The following ZHX3 variants were observed in gnomAD, a reference collection of about 807,000 sequenced individuals.
ZHX3 encodes the protein zinc fingers and homeoboxes 3.
ZHX3 carries 20 observed loss-of-function variants against 64.5 expected under a neutral mutation model. The observed-to-expected ratio is 0.31, with a 90% confidence interval of 0.22 to 0.45. The LOEUF is 0.45. ZHX3 is among the 20% of genes least tolerant of loss of function. ZHX3 has a pLI of 1.00. For missense variants in ZHX3, 1,041 were observed against 1,195.8 expected (o/e 0.87, Z 1.91); for synonymous variants, 423 against 461.6 (o/e 0.92, Z 1.07).
At chr20:41,280,259 T>C (rs1383557912) in intron 1 of ZHX3, among the ~76,000 whole-genome samples, 1 of 152,180 alleles carries the variant, frequency 6.6e-6, no homozygotes, top group Non-Finnish European at 1.5e-5. Flanking sequence ...GAGTTCTCAA[T>C]CCTGGATGCA....
chr20:41,241,546 C>T (rs1281577183), intron 2 of ZHX3, among the ~76,000 whole-genome samples: 3 of 152,096 alleles, frequency 2.0e-5, no homozygotes, highest in Non-Finnish European at 4.4e-5. Flanking sequence ...GCTTTGGTTG[C>T]CTGTGCTTGT....
intron 1 of ZHX3, among the ~76,000 whole-genome samples, chr20:41,282,671 T>C (rs1342250614): frequency 6.6e-6 from 1 of 152,142 alleles, no homozygotes; most frequent in African/African-American, 2.4e-5. Context: ...GATTCATCTT[T>C]CGATGCCTCT....
chr20:41,309,575 G>A (rs991958364), intron 1 of ZHX3, among the ~76,000 whole-genome samples: 1 of 152,116 alleles, frequency 6.6e-6, no homozygotes, highest in African/African-American at 2.4e-5. Context: ...TAATGAACCT[G>A]GGCCATGGCC....
chr20:41,221,649 GAAGAA>G (rs1374369323), intron 2 of ZHX3, among the ~76,000 whole-genome samples: 1 of 152,214 alleles, frequency 6.6e-6, no homozygotes, highest in Non-Finnish European at 1.5e-5. Flanking sequence ...GTGAAAGGCT[GAAGAA>G]ATGTGGAGCA....
Position 41,203,126 on chromosome 20 carries a change from G to A in ZHX3, c.1791C>T (p.His597=), listed in dbSNP as rs757551506. 50 of 1,614,038 alleles carry A rather than the reference G, an allele frequency of 3.1e-5. No homozygotes were observed. Among genetic ancestry groups the A allele is most frequent in the Non-Finnish European group, 2.5e-5 (30 of 1,180,030 alleles). ...CIPTTATLAT[H]PSAKRQSWHQ... The stretch of plus-strand genomic sequence containing the variant: ...GCCAAGATTGTCGTTTGGCAGAAGG[G>A]TGGGTTGCTAGTGTGGCTGTTGTCG... Residue 597 remains histidine, a synonymous_variant, in exon 3 of 4, where the codon CAC becomes CAT. Coordinates refer to ENST00000683867, the MANE Select transcript of ZHX3 (RefSeq NM_001384317.1). The surrounding 1 kb of genome is among the most constrained non-coding windows in gnomAD (Gnocchi z 7.1).
chr20:41,264,187 T>C (rs927707776), intron 2 of ZHX3, among the ~76,000 whole-genome samples: 1 of 151,620 alleles, frequency 6.6e-6, no homozygotes, highest in Non-Finnish European at 1.5e-5. Flanking sequence ...GACGGGCAGA[T>C]TGCCTGAGCT....
chr20:41,185,162 G>T lies in ZHX3; in HGVS notation c.*29C>A, dbSNP rs866400501. 1.9e-6 allele frequency: 3 copies of T among 1,606,366 alleles called. No homozygotes were observed. Among genetic ancestry groups the T allele is most frequent in the South Asian group, 1.1e-5 (1 of 89,756 alleles). ...ACGTGGCAGGCGGTTTCCCAGACTG[G>T]CCAGTCCTTCACATTAATCAGATCA... On this transcript the variant is annotated 3_prime_UTR_variant, in exon 4 of 4. Coordinates refer to ENST00000683867, the MANE Select transcript of ZHX3 (RefSeq NM_001384317.1). The surrounding 1 kb of genome is among the most constrained non-coding windows in gnomAD (Gnocchi z 5.0).
At chr20:41,281,455 G>A (rs770070336) in intron 1 of ZHX3, among the ~76,000 whole-genome samples, 3 of 152,032 alleles carry the variant, frequency 2.0e-5, no homozygotes, top group Non-Finnish European at 4.4e-5. Context: ...CACAATTATC[G>A]ATAAAATACA....
chr20:41,314,437 C>T (rs1259724334), intron 1 of ZHX3, among the ~76,000 whole-genome samples: 1 of 152,178 alleles, frequency 6.6e-6, no homozygotes. Flanking sequence ...AATGAAAACA[C>T]ATTAAAGCTA....
intron 2 of ZHX3, among the ~76,000 whole-genome samples, chr20:41,257,899 C>T (rs1342704721): frequency 1.4e-5 from 2 of 144,932 alleles, no homozygotes; most frequent in South Asian, 4.3e-4. Flanking sequence ...GTGTTAGCCA[C>T]CACGCCCAAC....
Position 41,195,286 on chromosome 20 carries a change from T to C in ZHX3, c.2860+6771A>G, listed in dbSNP as rs1200500631. On this transcript the variant is annotated intron_variant, in intron 3 of 3. Coordinates refer to ENST00000683867, the MANE Select transcript of ZHX3 (RefSeq NM_001384317.1). The surrounding 1 kb of genome is among the most constrained non-coding windows in gnomAD (Gnocchi z 4.2). ...ACATGCCACCACACCTGGCTTATTTTTTACTTTTTTGTAGAGACAGGATCC... is the reference window on the plus strand; with the variant it reads ...ACATGCCACCACACCTGGCTTATTTCTTACTTTTTTGTAGAGACAGGATCC... Among the ~76,000 whole-genome samples the C allele has an allele frequency of 6.6e-6, 1 of 152,136 alleles. No homozygotes were observed. The highest frequency in any genetic ancestry group is 1.9e-4 in the East Asian group (1 of 5,190).
intron 2 of ZHX3, among the ~76,000 whole-genome samples, chr20:41,233,297 G>GT (rs1341878136): frequency 3.9e-5 from 6 of 152,204 alleles, no homozygotes; most frequent in African/African-American, 1.4e-4. Context: ...ATGTTGTGGT[G>GT]TATACACCCT....
chr20:41,264,831 TTTTA>T (rs1219806566), intron 2 of ZHX3, among the ~76,000 whole-genome samples: 24 of 152,278 alleles, frequency 1.6e-4, no homozygotes, highest in African/African-American at 4.6e-4. Context: ...TTTTTAAAAT[TTTTA>T]TTTGTGTCAA....
chr20:41,276,531 C>T (rs139216161), intron 1 of ZHX3, among the ~76,000 whole-genome samples: 186 of 152,288 alleles, frequency 1.2e-3, no homozygotes, highest in African/African-American at 4.3e-3. Flanking sequence ...AATTGGGTTC[C>T]CCGAGCTCTC....
intron 1 of ZHX3, among the ~76,000 whole-genome samples, chr20:41,311,656 C>T (rs1186807929): frequency 6.6e-6 from 1 of 152,172 alleles, no homozygotes; most frequent in Non-Finnish European, 1.5e-5. Context: ...AAAGTCACAT[C>T]ACATAGATTA....
At chr20:41,243,001 G>A (rs1600481987) in intron 2 of ZHX3, among the ~76,000 whole-genome samples, 2 of 152,290 alleles carry the variant, frequency 1.3e-5, no homozygotes, top group East Asian at 1.9e-4. Flanking sequence ...GGGTCTAAGT[G>A]GATGTGGTGT....
At chr20:41,222,405 C>G (rs138574911) in intron 2 of ZHX3, among the ~76,000 whole-genome samples, 1 of 152,260 alleles carries the variant, frequency 6.6e-6, no homozygotes, top group Non-Finnish European at 1.5e-5. Context: ...ACTAGAAGGT[C>G]CTTTTCCAGG....
rs1295906008 is a variant in ZHX3, at chr20:41,226,111, T to C, written c.-150-21045A>G. Among the ~76,000 whole-genome samples the C allele has an allele frequency of 6.6e-6, 1 of 151,972 alleles. No individual in the cohort carries two copies. The highest frequency in any genetic ancestry group is 2.4e-5 in the African/African-American group (1 of 41,382). ...CCTAGCTAGCTAAAAAAAGTACTTA[T>C]CTTGGGCTGGGCGCGGTGGCTCACA... On this transcript the variant is annotated intron_variant, in intron 2 of 3. Coordinates refer to ENST00000683867, the MANE Select transcript of ZHX3 (RefSeq NM_001384317.1). The surrounding 1 kb of genome is among the most constrained non-coding windows in gnomAD (Gnocchi z 4.4).
chr20:41,309,596 TGA>T (rs1375669360), intron 1 of ZHX3, among the ~76,000 whole-genome samples: 1 of 152,216 alleles, frequency 6.6e-6, no homozygotes, highest in Non-Finnish European at 1.5e-5. Context: ...GACTCCTTCC[TGA>T]GAGACCTGGC....
Sources: gnomAD v4.1 joint callset for allele counts (sites outside exome capture counted in the v4.1 genomes callset) on GRCh38, gnomAD v4.1.1 for gene constraint, Gnocchi (gnomAD v3.1) non-coding constraint, MANE v1.5 for transcripts, NCBI Gene and HGNC (gene_info 2026-07-23, HGNC 2026-07-21) for gene names.